Variants in MALRD1 observed in about 807,000 individuals in gnomAD.
MALRD1 encodes MAM and LDL receptor class A domain containing 1.
A neutral mutation model predicts 242.1 loss-of-function variants in MALRD1; 247 were observed. That is an observed-to-expected ratio of 1.02 (90% CI 0.92 to 1.13). The LOEUF (loss-of-function observed/expected upper bound fraction) is 1.13. Ranked by LOEUF, MALRD1 falls within the 50% of genes most tolerant of loss-of-function variation. The pLI, the probability that MALRD1 is intolerant of heterozygous loss-of-function variation, is 0.00. For synonymous variants in MALRD1, 995 were observed against 866.6 expected (o/e 1.15, Z -2.60); for missense variants, 2,989 against 2,533.1 (o/e 1.18, Z -3.86).
In MALRD1 at chr10:19,125,366, TTTCTTTCTTTCTTTCCTTCC is replaced by T. The variant is rs1309958187; in HGVS notation, c.943+700_943+719del. 1.5e-4 allele frequency among the ~76,000 whole-genome samples: 19 copies of T among 124,322 alleles called. No individual in the cohort carries two copies. The Middle Eastern group carries it at 0.012, about 79-fold the overall frequency. 81.6% of individuals were successfully genotyped at this position (124,322 alleles called of 152,430 possible). A position where few individuals can be genotyped will look rare whatever the true frequency, so the allele number is the denominator to read the frequency against. On this transcript the variant is annotated intron_variant, in intron 7 of 39. Transcript: ENST00000454679. ...CTTTCTTTCTTTCTTTCTTTCTTTCTTTCTTTCTTTCTTTCCTTCCTTCCTTCCTTCCTTCCATCCATGCT... is the reference window on the plus strand; with the variant it reads ...CTTTCTTTCTTTCTTTCTTTCTTTCTTTCCTTCCTTCCTTCCATCCATGCT...
chr10:19,715,485 G>A (rs997314919), intron 38 of MALRD1, among the ~76,000 whole-genome samples: 16 of 151,934 alleles, frequency 1.1e-4, no homozygotes, highest in Non-Finnish European at 7.4e-5. Flanking sequence ...GTTGAAGAAA[G>A]TGAGTGAAAA....
chr10:19,633,242 AAG>A (rs1215187445), intron 36 of MALRD1, among the ~76,000 whole-genome samples: 2 of 152,164 alleles, frequency 1.3e-5, no homozygotes, highest in Non-Finnish European at 2.9e-5. Context: ...AAGAAAAAAA[AAG>A]AGAGACAGAG....
At chr10:19,706,698 C>T (rs1256358312) in intron 38 of MALRD1, among the ~76,000 whole-genome samples, 1 of 151,970 alleles carries the variant, frequency 6.6e-6, no homozygotes, top group African/African-American at 2.4e-5. Context: ...TCCTGTCTCC[C>T]TCTCAGATCC....
At chr10:19,191,948 A>C (rs970153747) in intron 14 of MALRD1, among the ~76,000 whole-genome samples, 2 of 152,110 alleles carry the variant, frequency 1.3e-5, no homozygotes, top group African/African-American at 4.8e-5. Flanking sequence ...TAGTGAGCTG[A>C]AATCGCTCGT....
At chr10:19,568,402 T>C (rs752394083) in intron 33 of MALRD1, among the ~76,000 whole-genome samples, 1 of 152,078 alleles carries the variant, frequency 6.6e-6, no homozygotes, top group Non-Finnish European at 1.5e-5. Context: ...AAAGTTTCTT[T>C]TCTTTTAAGG....
intron 4 of MALRD1, among the ~76,000 whole-genome samples, chr10:19,102,613 C>A (rs1836307734): frequency 6.6e-6 from 1 of 152,178 alleles, no homozygotes; most frequent in East Asian, 1.9e-4. Context: ...ATGTTGTAAA[C>A]AAGGTTGAAT....
At chr10:19,591,762 T>G (rs1255641315) in intron 33 of MALRD1, among the ~76,000 whole-genome samples, 1 of 152,166 alleles carries the variant, frequency 6.6e-6, no homozygotes. Flanking sequence ...CCTCCCAAAC[T>G]GTTGGGATTA....
chr10:19,529,225 C>G (rs535561765), intron 31 of MALRD1, among the ~76,000 whole-genome samples: 1 of 152,256 alleles, frequency 6.6e-6, no homozygotes, highest in African/African-American at 2.4e-5. Flanking sequence ...TTTACCAGAA[C>G]CTAACCAACC....
intron 14 of MALRD1, among the ~76,000 whole-genome samples, chr10:19,186,317 G>T (rs1215680656): frequency 3.3e-5 from 5 of 152,152 alleles, no homozygotes; most frequent in Non-Finnish European, 4.4e-5. Flanking sequence ...GGTTGTTTCT[G>T]GTGAAGGCTC....
chr10:19,136,219 A>C (rs1326355570), intron 9 of MALRD1, among the ~76,000 whole-genome samples: 1 of 152,204 alleles, frequency 6.6e-6, no homozygotes, highest in Non-Finnish European at 1.5e-5. Context: ...AGCTGTAAAG[A>C]TGATGACCAA....
intron 36 of MALRD1, among the ~76,000 whole-genome samples, chr10:19,635,860 GAAAAT>G (rs1417929005): frequency 1.3e-5 from 2 of 151,886 alleles, no homozygotes; most frequent in East Asian, 3.9e-4. Flanking sequence ...GGAAAACAAG[GAAAAT>G]AAAATATTTA....
At chr10:19,438,912 A>G (rs1834478517) in intron 28 of MALRD1, among the ~76,000 whole-genome samples, 1 of 152,172 alleles carries the variant, frequency 6.6e-6, no homozygotes, top group South Asian at 2.1e-4. Context: ...CATTGCCTGC[A>G]GCATGGGTAC....
rs973458409 is a variant in MALRD1, at chr10:19,436,601, G to A, written c.4846-13706G>A. On this transcript the variant is annotated intron_variant, in intron 28 of 39. Transcript: ENST00000454679. ...AACCAGAGTACAGTGCTTACGTGCAGTTCCTTTTCCCTTTAGTTTTACAGA... is the reference window on the plus strand; with the variant it reads ...AACCAGAGTACAGTGCTTACGTGCAATTCCTTTTCCCTTTAGTTTTACAGA... Among the ~76,000 whole-genome samples the A allele has an allele frequency of 3.3e-5, 5 of 152,200 alleles. No homozygotes were observed. In the East Asian group the frequency reaches 7.7e-4, roughly 23 times the overall value.
intron 36 of MALRD1, among the ~76,000 whole-genome samples, chr10:19,618,548 C>T (rs1839267823): frequency 1.3e-5 from 2 of 151,994 alleles, no homozygotes; most frequent in South Asian, 4.1e-4. Flanking sequence ...GATGGTATGT[C>T]ACTATGGTTT....
chr10:19,691,353 A>G (rs1274018976), intron 36 of MALRD1, among the ~76,000 whole-genome samples: 1 of 152,104 alleles, frequency 6.6e-6, no homozygotes, highest in African/African-American at 2.4e-5. Flanking sequence ...ATTACTTTTG[A>G]GCATACAAAT....
chr10:19,566,439 A>T (rs1163352990), intron 32 of MALRD1, among the ~76,000 whole-genome samples: 1 of 151,236 alleles, frequency 6.6e-6, no homozygotes, highest in Non-Finnish European at 1.5e-5. Flanking sequence ...ACGCCAGGCC[A>T]TATTTTATAG....
chr10:19,357,574 T>A lies in MALRD1; in HGVS notation c.4441+5277T>A, dbSNP rs1844693145. On this transcript the variant is annotated intron_variant, in intron 26 of 39. Transcript: ENST00000454679. The stretch of plus-strand genomic sequence containing the variant: ...TTTATATTACTTTATAACTATAAAA[T>A]CTTATTATTTATTGAAAACATCTCT... Among the ~76,000 whole-genome samples the A allele has an allele frequency of 3.3e-5, 5 of 152,158 alleles. No homozygotes were observed. The South Asian group carries it at 1.0e-3, about 31-fold the overall frequency.
intron 12 of MALRD1, among the ~76,000 whole-genome samples, chr10:19,165,106 C>T (rs777184726): frequency 8.6e-5 from 13 of 151,088 alleles, no homozygotes; most frequent in Non-Finnish European, 1.6e-4. Flanking sequence ...TCAATGTGTA[C>T]CTCTCATATT....
chr10:19,645,895 T>C (rs1186949532), intron 36 of MALRD1, among the ~76,000 whole-genome samples: 1 of 151,956 alleles, frequency 6.6e-6, no homozygotes, highest in Admixed American at 6.6e-5. Context: ...AAAAAAGAAA[T>C]GGATAGGAGT....
Sources: allele counts gnomAD v4.1 joint callset (sites outside exome capture counted in the v4.1 genomes callset), GRCh38; gene constraint gnomAD v4.1.1; transcripts MANE v1.5; gene names NCBI Gene and HGNC (gene_info 2026-07-23, HGNC 2026-07-21).